Variants in ERC1 observed in about 807,000 individuals in gnomAD.
ERC1 encodes ELKS/RAB6-interacting/CAST family member 1.
In ERC1, 56 loss-of-function variants were observed where a neutral mutation model predicts 132.0. That is an observed-to-expected ratio of 0.42 (90% CI 0.34 to 0.53). The LOEUF (loss-of-function observed/expected upper bound fraction) is 0.53, where lower values mean the gene tolerates loss of function less well. ERC1 is among the 20% of genes least tolerant of loss of function. The probability of loss-of-function intolerance (pLI) is 0.03; values close to 1 mark genes in which losing one functional copy is unlikely to be tolerated. For missense variants in ERC1, 1,202 were observed against 1,349.9 expected (o/e 0.89, Z 1.72); for synonymous variants, 478 against 476.1 (o/e 1.00, Z -0.05).
At chr12:1,327,097 A>G (rs1175554037) in intron 15 of ERC1, among the ~76,000 whole-genome samples, 1 of 152,164 alleles carries the variant, frequency 6.6e-6, no homozygotes, top group Non-Finnish European at 1.5e-5. Context: ...ACATTATTTC[A>G]TCTACCACAT....
chr12:1,127,851 C>G (rs1948367067), intron 7 of ERC1, among the ~76,000 whole-genome samples: 1 of 152,186 alleles, frequency 6.6e-6, no homozygotes, highest in East Asian at 1.9e-4. Flanking sequence ...TCAACGATAA[C>G]ACTTGGACAG....
At position 1,083,204 on chromosome 12, in the gene ERC1, G is replaced by A. The variant is rs201113683; in HGVS notation, c.710G>A (p.Arg237Gln). ...ATCCAGGCTCTCCAGGATGAATTGCGGATCCAGAGGGACCTGAATCAGCTG... is the reference window on the plus strand; with the variant it reads ...ATCCAGGCTCTCCAGGATGAATTGCAGATCCAGAGGGACCTGAATCAGCTG... The part of the protein sequence containing the change: ...MTIQALQDEL[R>Q]IQRDLNQLFQ... Residue 237 changes from arginine to glutamine, a missense_variant, in exon 3 of 19, where the codon CGG (arginine) becomes CAG (glutamine). Arg to Gln is a conservative substitution (Grantham distance 43, BLOSUM62 1). Transcript: ENST00000360905. 129 of 1,613,704 alleles carry A rather than the reference G, an allele frequency of 8.0e-5. 1 individual carries two copies. In the Admixed American group the frequency reaches 1.0e-3, roughly 13 times the overall value.
At chr12:1,041,114 AT>A (rs1479963955) in intron 2 of ERC1, among the ~76,000 whole-genome samples, 9 of 152,348 alleles carry the variant, frequency 5.9e-5, no homozygotes, top group African/African-American at 1.7e-4. Flanking sequence ...AAATAAAAAA[AT>A]AATATTTATT....
chr12:1,392,639 C>G (rs917978621), intron 16 of ERC1, among the ~76,000 whole-genome samples: 19 of 152,110 alleles, frequency 1.2e-4, no homozygotes, highest in African/African-American at 3.4e-4. Context: ...CAGAATCAAT[C>G]TATACCTGAT....
chr12:1,008,030 A>C (rs897601941), intron 1 of ERC1, among the ~76,000 whole-genome samples: 1 of 152,196 alleles, frequency 6.6e-6, no homozygotes, highest in East Asian at 1.9e-4. Flanking sequence ...GAGAGTCAGA[A>C]TAACAGGTGG....
At chr12:1,450,331 C>T (rs2093398789) in intron 18 of ERC1, among the ~76,000 whole-genome samples, 2 of 152,186 alleles carry the variant, frequency 1.3e-5, no homozygotes, top group African/African-American at 2.4e-5. Context: ...TCCCCATTCT[C>T]CCTTGCCCCA....
intron 8 of ERC1, among the ~76,000 whole-genome samples, chr12:1,155,498 C>T (rs917060441): frequency 6.0e-5 from 9 of 150,600 alleles, no homozygotes; most frequent in African/African-American, 1.2e-4. Context: ...TTTTTTGAGA[C>T]GGAGTCTCGC....
At chr12:1,153,800 G>C (rs992803625) in intron 8 of ERC1, among the ~76,000 whole-genome samples, 2 of 152,152 alleles carry the variant, frequency 1.3e-5, no homozygotes, top group Non-Finnish European at 2.9e-5. Flanking sequence ...GTCGGATTTT[G>C]GCCTACATAA....
intron 18 of ERC1, among the ~76,000 whole-genome samples, chr12:1,482,016 C>G (rs2094102643): frequency 6.6e-6 from 1 of 152,148 alleles, no homozygotes; most frequent in Non-Finnish European, 1.5e-5. Context: ...TCCAGTTTGT[C>G]TCAATTTTTC....
At chr12:1,355,527 C>T (rs374060141) in intron 15 of ERC1, among the ~76,000 whole-genome samples, 12 of 152,250 alleles carry the variant, frequency 7.9e-5, no homozygotes, top group African/African-American at 2.6e-4. Context: ...CATATTTGAC[C>T]GTGGAAATCT....
Position 1,492,164 on chromosome 12 carries a change from G to A in ERC1, c.*1934G>A, listed in dbSNP as rs1325170512. The stretch of plus-strand genomic sequence containing the variant: ...AGCGTTTCTTATCGAAGGTTAAATG[G>A]ACTCTGCTCATAAACCTCTTACTGA... On this transcript the variant is annotated 3_prime_UTR_variant, in exon 19 of 19. Transcript: ENST00000360905. 2 of 232,850 alleles carry A rather than the reference G, an allele frequency of 8.6e-6. No homozygotes were observed. Among genetic ancestry groups the A allele is most frequent in the Non-Finnish European group, 1.7e-5 (2 of 117,880 alleles). The allele number at this position is 232,850 out of a possible 1,614,324, so 14.4% of individuals were successfully genotyped here. A position where few individuals can be genotyped will look rare whatever the true frequency, so the allele number is the denominator to read the frequency against.
intron 14 of ERC1, among the ~76,000 whole-genome samples, chr12:1,271,581 G>A (rs1165160128): frequency 2.0e-5 from 3 of 152,158 alleles, no homozygotes; most frequent in African/African-American, 4.8e-5. Context: ...ATGAGTTCTC[G>A]ATATGTTGTT....
intron 8 of ERC1, among the ~76,000 whole-genome samples, chr12:1,178,930 A>T (rs551122610): frequency 6.6e-6 from 1 of 152,206 alleles, no homozygotes; most frequent in Non-Finnish European, 1.5e-5. Flanking sequence ...TGCCTGATCT[A>T]TGGTGGGAAT....
At chr12:1,148,174 A>C (rs952923307) in intron 8 of ERC1, among the ~76,000 whole-genome samples, 2 of 152,208 alleles carry the variant, frequency 1.3e-5, no homozygotes, top group African/African-American at 4.8e-5. Context: ...ACTAGGTAAA[A>C]ATTTTTAGAA....
At chr12:1,454,311 C>G (rs777982634) in intron 18 of ERC1, among the ~76,000 whole-genome samples, 21 of 152,268 alleles carry the variant, frequency 1.4e-4, no homozygotes, top group Non-Finnish European at 2.1e-4. Context: ...TTTGAAATAT[C>G]CTTTGTAATA....
chr12:1,303,366 G>C (rs902564514), intron 15 of ERC1, among the ~76,000 whole-genome samples: 1 of 152,184 alleles, frequency 6.6e-6, no homozygotes, highest in African/African-American at 2.4e-5. Flanking sequence ...GCCGGGCGCC[G>C]TGGCTCACGC....
intron 1 of ERC1, among the ~76,000 whole-genome samples, chr12:994,668 G>A (rs368556083): frequency 6.6e-6 from 1 of 152,112 alleles, no homozygotes; most frequent in East Asian, 1.9e-4. Context: ...TACTTAATAA[G>A]TATATATTAA....
intron 13 of ERC1, among the ~76,000 whole-genome samples, chr12:1,260,641 C>T (rs2077084623): frequency 6.6e-6 from 1 of 152,040 alleles, no homozygotes; most frequent in Admixed American, 6.6e-5. Context: ...CTCAAAATTC[C>T]AAAACTAAAA....
intron 2 of ERC1, among the ~76,000 whole-genome samples, chr12:1,076,406 T>G (rs1941350679): frequency 6.6e-6 from 1 of 150,862 alleles, no homozygotes. Flanking sequence ...TCTTTTTTTT[T>G]TTTTTGGAGA....
Sources: allele counts gnomAD v4.1 joint callset (sites outside exome capture counted in the v4.1 genomes callset), GRCh38; gene constraint gnomAD v4.1.1; transcripts MANE v1.5; gene names NCBI Gene and HGNC (gene_info 2026-07-23, HGNC 2026-07-21).